Variants in SLC24A2 observed in about 807,000 individuals in gnomAD.
SLC24A2 encodes the protein sodium/potassium/calcium exchanger 2.
In SLC24A2, 36 loss-of-function variants were observed where a neutral mutation model predicts 62.0. The observed-to-expected ratio is 0.58, with a 90% confidence interval of 0.44 to 0.77. SLC24A2 has a LOEUF of 0.77. Ranked by LOEUF, SLC24A2 falls within the 30% of genes least tolerant of loss-of-function variation. The pLI, the probability that SLC24A2 is intolerant of heterozygous loss-of-function variation, is 0.00. For synonymous variants in SLC24A2, 358 were observed against 294.0 expected (o/e 1.22, Z -2.23); for missense variants, 846 against 817.9 (o/e 1.03, Z -0.42).
the SLC24A2 span, among the ~76,000 whole-genome samples, chr9:20,001,372 C>T: frequency 1.1e-4 from 16 of 152,242 alleles, no homozygotes; most frequent in Non-Finnish European, 1.5e-4. Flanking sequence ...AACTGTCCTG[C>T]GGAAGAAATC....
Position 19,514,126 on chromosome 9 carries a change from T to C in SLC24A2, c.*2027A>G, listed in dbSNP as rs1434670323. 6.6e-6 allele frequency: 1 copy of C among 152,204 alleles called. No homozygotes were observed. Among genetic ancestry groups the C allele is most frequent in the East Asian group, 1.9e-4 (1 of 5,202 alleles). 9.4% of individuals were successfully genotyped at this position (152,204 alleles called of 1,614,324 possible). A position where few individuals can be genotyped will look rare whatever the true frequency, so the allele number is the denominator to read the frequency against. On this transcript the variant is annotated 3_prime_UTR_variant, in exon 11 of 11. Coordinates refer to ENST00000341998, the MANE Select transcript of SLC24A2 (RefSeq NM_020344.4). ...TCGGGTTTGAAGTGCTTTTTACTTC[T>C]GGGTGAAGAGGAATGATGGGCATTT... is the stretch of plus-strand genomic sequence containing the variant.
the SLC24A2 span, among the ~76,000 whole-genome samples, chr9:20,190,351 T>C: frequency 0.5 from 75,215 of 151,924 alleles, 19,821 homozygotes; most frequent in East Asian, 0.81. Context: ...CAGATCTTTG[T>C]CCTACCAAAT....
At chr9:20,163,843 C>A in the SLC24A2 span, among the ~76,000 whole-genome samples, 1 of 152,198 alleles carries the variant, frequency 6.6e-6, no homozygotes, top group African/African-American at 2.4e-5. Context: ...CTACAACTAT[C>A]TGATCTTTGA....
chr9:20,136,796 G>A, the SLC24A2 span, among the ~76,000 whole-genome samples: 1 of 152,030 alleles, frequency 6.6e-6, no homozygotes, highest in Admixed American at 6.6e-5. Flanking sequence ...GTCTTACTTT[G>A]GCAGAAGATG....
intron 4 of SLC24A2, among the ~76,000 whole-genome samples, chr9:19,603,026 G>C (rs902307719): frequency 3.3e-5 from 5 of 152,078 alleles, no homozygotes; most frequent in Admixed American, 2.6e-4. Context: ...TAATATTAAA[G>C]ATAGTGAAAA....
the SLC24A2 span, among the ~76,000 whole-genome samples, chr9:19,908,494 T>G: frequency 6.6e-6 from 1 of 152,044 alleles, no homozygotes; most frequent in African/African-American, 2.4e-5. Flanking sequence ...TGGGATCTAA[T>G]TAAACTAAAG....
rs969819756 is a variant in SLC24A2, at chr9:19,582,254, G to A, written c.1130-5232C>T. On this transcript the variant is annotated intron_variant, in intron 5 of 10. Transcript: ENST00000341998. The stretch of plus-strand genomic sequence containing the variant: ...GCTTCATGCTGCATGGAAAAACAAC[G>A]TTTGGAGGGTCTGTTCACTCAAAGG... 2.0e-5 allele frequency among the ~76,000 whole-genome samples: 3 copies of A among 152,114 alleles called. No homozygotes were observed. In the East Asian group the frequency reaches 5.8e-4, roughly 29 times the overall value.
the SLC24A2 span, among the ~76,000 whole-genome samples, chr9:19,796,327 T>C: frequency 1.3e-5 from 2 of 152,214 alleles, no homozygotes; most frequent in Non-Finnish European, 2.9e-5. Flanking sequence ...CTCTCTGATA[T>C]AACTGTTCAT....
At chr9:19,649,373 TGAAA>T (rs1205197944) in intron 2 of SLC24A2, among the ~76,000 whole-genome samples, 2 of 152,144 alleles carry the variant, frequency 1.3e-5, no homozygotes, top group East Asian at 3.9e-4. Context: ...ATTACAAAAT[TGAAA>T]GAAAGATAGA....
At chr9:19,946,702 G>A in the SLC24A2 span, among the ~76,000 whole-genome samples, 1 of 152,086 alleles carries the variant, frequency 6.6e-6, no homozygotes, top group Non-Finnish European at 1.5e-5. Flanking sequence ...AAGGGCCCAG[G>A]GATTTGGTCC....
At chr9:20,230,323 T>C in the SLC24A2 span, among the ~76,000 whole-genome samples, 1 of 152,214 alleles carries the variant, frequency 6.6e-6, no homozygotes, top group Non-Finnish European at 1.5e-5. Context: ...ATTTCCACAA[T>C]GGTTGAACTA....
chr9:20,224,730 A>G, the SLC24A2 span, among the ~76,000 whole-genome samples: 2 of 152,044 alleles, frequency 1.3e-5, no homozygotes, highest in Non-Finnish European at 2.9e-5. Context: ...AGAGGAAAAA[A>G]TACCAGAATG....
intron 2 of SLC24A2, among the ~76,000 whole-genome samples, chr9:19,720,837 ATGTGTGTGTGTG>A (rs10692458): frequency 0.011 from 1,476 of 140,524 alleles, 28 homozygotes; most frequent in African/African-American, 0.036. Flanking sequence ...ATGTGGAATG[ATGTGTGTGTGTG>A]TGTGTGTGTG....
chr9:19,952,544 C>A, the SLC24A2 span, among the ~76,000 whole-genome samples: 1 of 151,900 alleles, frequency 6.6e-6, no homozygotes, highest in African/African-American at 2.4e-5. Flanking sequence ...TGAGATATAA[C>A]TTTGCCTAAT....
At chr9:19,794,359 A>G in the SLC24A2 span, among the ~76,000 whole-genome samples, 1 of 152,174 alleles carries the variant, frequency 6.6e-6, no homozygotes, top group African/African-American at 2.4e-5. Context: ...GGAACAGAAA[A>G]CCAATACCAC....
At chr9:20,074,563 A>T in the SLC24A2 span, among the ~76,000 whole-genome samples, 1 of 62,328 alleles carries the variant, frequency 1.6e-5, no homozygotes, top group Non-Finnish European at 3.1e-5. Context: ...GGCAGGAAGG[A>T]AGGAAGGAAG....
chr9:19,628,944 G>A, intron 2 of SLC24A2, among the ~76,000 whole-genome samples: 1 of 152,156 alleles, frequency 6.6e-6, no homozygotes, highest in Non-Finnish European at 1.5e-5. Context: ...CTTGGAGGAT[G>A]TGATTTTTTA....
chr9:20,029,638 G>C, the SLC24A2 span, among the ~76,000 whole-genome samples: 23 of 152,180 alleles, frequency 1.5e-4, no homozygotes, highest in African/African-American at 5.1e-4. Flanking sequence ...GGCAGTTTTT[G>C]AGATACTACA....
chr9:19,645,205 T>A (rs1421352761), intron 2 of SLC24A2, among the ~76,000 whole-genome samples: 2 of 152,216 alleles, frequency 1.3e-5, no homozygotes, highest in African/African-American at 4.8e-5. Context: ...TCCTAGAGAT[T>A]ACCTTAGCTC....
Sources: gnomAD v4.1 joint callset for allele counts (sites outside exome capture counted in the v4.1 genomes callset) on GRCh38, gnomAD v4.1.1 for gene constraint, MANE v1.5 for transcripts, NCBI Gene and HGNC (gene_info 2026-07-23, HGNC 2026-07-21) for gene names.